SLC25A31: variants seen among roughly 807,000 people sequenced by gnomAD.
SLC25A31 encodes the protein solute carrier family 25 member 31.
A neutral mutation model predicts 36.2 loss-of-function variants in SLC25A31; 40 were observed. The ratio of observed to expected loss-of-function variants is 1.10; its 90% CI spans 0.86 to 1.44. SLC25A31 has a LOEUF of 1.44. SLC25A31 is among the 40% of genes most tolerant of loss of function. SLC25A31 has a pLI of 0.00. For synonymous variants in SLC25A31, 143 were observed against 149.7 expected (o/e 0.96, Z 0.32); for missense variants, 350 against 397.1 (o/e 0.88, Z 1.01).
chr4:127,757,563 G>A (rs922732994), intron 2 of SLC25A31, among the ~76,000 whole-genome samples: 3 of 152,020 alleles, frequency 2.0e-5, no homozygotes, highest in Non-Finnish European at 2.9e-5. Context: ...TTGATTCTAC[G>A]ACTTTGTTAT....
intron 3 of SLC25A31, among the ~76,000 whole-genome samples, chr4:127,765,300 T>G (rs1222034089): frequency 6.6e-6 from 1 of 152,208 alleles, no homozygotes; most frequent in Non-Finnish European, 1.5e-5. Context: ...ATCAAATGGC[T>G]TGCTTCCCAG....
chr4:127,752,699 C>G (rs1334896001), intron 2 of SLC25A31, among the ~76,000 whole-genome samples: 5 of 152,102 alleles, frequency 3.3e-5, no homozygotes, highest in Non-Finnish European at 7.3e-5. Context: ...ATAAAGGGGT[C>G]AGTTCATCAA....
chr4:127,752,533 A>G (rs1275404727), intron 2 of SLC25A31, among the ~76,000 whole-genome samples: 2 of 152,112 alleles, frequency 1.3e-5, no homozygotes, highest in East Asian at 1.9e-4. Flanking sequence ...AAACCTGCAC[A>G]TTGTGCACAT....
chr4:127,735,880 ATTTATTTAT>A (rs1731618406), intron 1 of SLC25A31, among the ~76,000 whole-genome samples: 1 of 70,028 alleles, frequency 1.4e-5, no homozygotes, highest in Non-Finnish European at 2.8e-5. Context: ...TTATTTATTT[ATTTATTTAT>A]TTATTTATTT....
rs1285647075 is a variant in SLC25A31 at position 127,774,272 on chromosome 4, A to G, written c.*698A>G. ...AATTAGTTTGTATATTTTGTTGACA[A>G]TAAAGGAAGCTTAACTGTTATAAAG... On this transcript the variant is annotated 3_prime_UTR_variant, in exon 6 of 6. Transcript: ENST00000281154. The G allele has an allele frequency of 1.3e-5, 2 of 152,336 alleles. No homozygotes were observed. The highest frequency in any genetic ancestry group is 2.4e-5 in the African/African-American group (1 of 41,462). 9.4% of individuals were successfully genotyped at this position (152,336 alleles called of 1,614,324 possible).
In SLC25A31 at chr4:127,749,361, T is replaced by C. The variant is rs558414616; in HGVS notation, c.360+4562T>C. Among the ~76,000 whole-genome samples the C allele has an allele frequency of 7.0e-4, 106 of 152,304 alleles. 1 individual carries two copies. Among genetic ancestry groups the C allele is most frequent in the Middle Eastern group, 6.8e-3 (2 of 294 alleles). On this transcript the variant is annotated intron_variant, in intron 2 of 5. Transcript: ENST00000281154. The stretch of plus-strand genomic sequence containing the variant: ...AAAGCTTATTTTTAAAAATATTGTC[T>C]GAAAATTTCCCAAATCTTTGGAAAT...
chr4:127,761,978 C>T (rs1409805115), intron 2 of SLC25A31, among the ~76,000 whole-genome samples: 1 of 152,182 alleles, frequency 6.6e-6, no homozygotes, highest in African/African-American at 2.4e-5. Context: ...CTAATTATTT[C>T]TGTATGATGA....
intron 1 of SLC25A31, among the ~76,000 whole-genome samples, chr4:127,732,120 CA>C (rs1731538328): frequency 6.6e-6 from 1 of 152,140 alleles, no homozygotes; most frequent in Non-Finnish European, 1.5e-5. Flanking sequence ...TAGTTGGATT[CA>C]ATAGAAAAAT....
chr4:127,747,553 GA>G (rs1440507717), intron 2 of SLC25A31, among the ~76,000 whole-genome samples: 1 of 152,078 alleles, frequency 6.6e-6, no homozygotes, highest in Non-Finnish European at 1.5e-5. Context: ...GTGACTGTAT[GA>G]GGTTTTAAAA....
At chr4:127,738,439 T>C (rs1007150179) in intron 1 of SLC25A31, among the ~76,000 whole-genome samples, 2 of 152,204 alleles carry the variant, frequency 1.3e-5, no homozygotes, top group African/African-American at 4.8e-5. Context: ...CTTTTTGATA[T>C]TGACTTCTGT....
Position 127,773,607 on chromosome 4 carries a change from A to C in SLC25A31, c.*33A>C. ...AGTAAATTAAGAAATACATGGATTT[A>C]ACTTGTTAAACATACAAATTACATA... On this transcript the variant is annotated 3_prime_UTR_variant, in exon 6 of 6. Transcript: ENST00000281154. 6.8e-7 allele frequency: 1 copy of C among 1,474,740 alleles called. No homozygotes were observed. The highest frequency in any genetic ancestry group is 9.1e-7 in the Non-Finnish European group (1 of 1,103,298). The allele number at this position is 1,474,740 out of a possible 1,614,324, so 91.4% of individuals were successfully genotyped here.
In SLC25A31 at chr4:127,744,592, T is replaced by C. The variant is rs544517552; in HGVS notation, c.233-80T>C. 5.9e-5 allele frequency: 75 copies of C among 1,261,400 alleles called. No individual in the cohort carries two copies. In the South Asian group the frequency reaches 1.4e-3, roughly 24 times the overall value. 78.1% of individuals were successfully genotyped at this position (1,261,400 alleles called of 1,614,324 possible). ...GAAAGAGTATGTTTTAGATAGTTCA[T>C]ATAGCTAAATTTGCTAAAACTATGG... On this transcript the variant is annotated intron_variant, in intron 1 of 5. Coordinates refer to ENST00000281154, the MANE Select transcript of SLC25A31 (RefSeq NM_031291.4).
chr4:127,755,815 C>T (rs888132614), intron 2 of SLC25A31, among the ~76,000 whole-genome samples: 2 of 152,144 alleles, frequency 1.3e-5, no homozygotes, highest in African/African-American at 2.4e-5. Flanking sequence ...GGGCGGATCA[C>T]CTGAGGTCAG....
Position 127,764,350 on chromosome 4 carries a change from T to TA in SLC25A31, c.469dup (p.Ile157AsnfsTer6), listed in dbSNP as rs1732199474. ...TTGCCCGAACCCGATTAGGTGTCGA[T>TA]ATTGGAAAAGGTATGAGATTTTTAG... On this transcript the variant is annotated frameshift_variant, in exon 3 of 6. Coordinates refer to ENST00000281154, the MANE Select transcript of SLC25A31 (RefSeq NM_031291.4). LOFTEE classifies it high-confidence loss of function. The TA allele has an allele frequency of 6.2e-7, 1 of 1,612,308 alleles. No homozygotes were observed. Among genetic ancestry groups the TA allele is most frequent in the African/African-American group, 1.3e-5 (1 of 75,018 alleles).
Position 127,744,643 on chromosome 4 carries a change from T to A in SLC25A31, c.233-29T>A, listed in dbSNP as rs745959007. The A allele has an allele frequency of 3.8e-6, 6 of 1,567,910 alleles. No homozygotes were observed. In the Admixed American group the frequency reaches 9.5e-5, roughly 25 times the overall value. ...CAATTGTTTAATAATACAATGTAGG[T>A]TTATGTATTTATATGTTTCCCTCTG... On this transcript the variant is annotated intron_variant, in intron 1 of 5. Transcript: ENST00000281154.
chr4:127,766,263 G>C (rs1489416702), intron 3 of SLC25A31, among the ~76,000 whole-genome samples: 1 of 151,572 alleles, frequency 6.6e-6, no homozygotes, highest in Non-Finnish European at 1.5e-5. Flanking sequence ...CACCTCCCAG[G>C]TTCAAGCAGT....
In SLC25A31 at chr4:127,771,081, C is replaced by T. The variant is rs143446766; in HGVS notation, c.759+2204C>T. ...TAGCAATTCTCCTGCCTCAGCCTCC[C>T]GAGTAGCTGAGATTACAGGCACACG... is the stretch of plus-strand genomic sequence containing the variant. On this transcript the variant is annotated intron_variant, in intron 5 of 5. Coordinates refer to ENST00000281154, the MANE Select transcript of SLC25A31 (RefSeq NM_031291.4). 8.6e-3 allele frequency among the ~76,000 whole-genome samples: 1,309 copies of T among 151,448 alleles called. 22 individuals are homozygous for T. Among genetic ancestry groups the T allele is most frequent in the African/African-American group, 0.03 (1,219 of 41,176 alleles).
intron 2 of SLC25A31, among the ~76,000 whole-genome samples, chr4:127,760,474 C>T (rs1426422333): frequency 6.6e-6 from 1 of 152,170 alleles, no homozygotes; most frequent in Non-Finnish European, 1.5e-5. Flanking sequence ...TGAGCCTCAG[C>T]TGGGCCTGGG....
chr4:127,755,092 T>C (rs964154319), intron 2 of SLC25A31, among the ~76,000 whole-genome samples: 10 of 152,180 alleles, frequency 6.6e-5, no homozygotes, highest in African/African-American at 1.9e-4. Flanking sequence ...GATGTCCATA[T>C]GCAGAAGAAT....
Sources: gnomAD v4.1 joint callset for allele counts (sites outside exome capture counted in the v4.1 genomes callset) on GRCh38, gnomAD v4.1.1 for gene constraint, MANE v1.5 for transcripts, NCBI Gene and HGNC (gene_info 2026-07-23, HGNC 2026-07-21) for gene names.